The following LINGO2 variants were observed in gnomAD, a reference collection of about 807,000 sequenced individuals.
LINGO2 encodes leucine rich repeat and Ig domain containing 2.
LINGO2 carries 14 observed loss-of-function variants against 30.6 expected under a neutral mutation model. That is an observed-to-expected ratio of 0.46 (90% CI 0.30 to 0.72). The LOEUF (loss-of-function observed/expected upper bound fraction) is 0.72. Ranked by LOEUF, LINGO2 falls within the 30% of genes least tolerant of loss-of-function variation. The probability of loss-of-function intolerance (pLI) is 0.07; values close to 1 mark genes in which losing one functional copy is unlikely to be tolerated. For missense variants in LINGO2, 729 were observed against 751.7 expected (o/e 0.97, Z 0.35); for synonymous variants, 317 against 288.5 (o/e 1.10, Z -1.00).
the LINGO2 span, among the ~76,000 whole-genome samples, chr9:29,075,584 A>G: frequency 6.6e-6 from 1 of 152,102 alleles, no homozygotes; most frequent in Non-Finnish European, 1.5e-5. Context: ...CTTTATTTTT[A>G]TTGCTTTGAT....
chr9:28,108,250 T>C (rs191189985), intron 4 of LINGO2, among the ~76,000 whole-genome samples: 36 of 152,256 alleles, frequency 2.4e-4, no homozygotes, highest in African/African-American at 8.7e-4. Context: ...AAGTCGCAAT[T>C]AGGTTGTTTC....
At chr9:28,591,828 A>G (rs931434415) in intron 1 of LINGO2, among the ~76,000 whole-genome samples, 7 of 151,940 alleles carry the variant, frequency 4.6e-5, no homozygotes, top group Non-Finnish European at 1.0e-4. Flanking sequence ...CTCCAATACT[A>G]CTGTCTTGGA....
the LINGO2 span, among the ~76,000 whole-genome samples, chr9:28,945,305 T>C: frequency 2.6e-5 from 4 of 152,226 alleles, no homozygotes; most frequent in Non-Finnish European, 5.9e-5. Context: ...AAGGTATTGA[T>C]AAACAATAGT....
the LINGO2 span, among the ~76,000 whole-genome samples, chr9:28,744,105 TATA>T: frequency 1.1e-4 from 14 of 132,198 alleles, no homozygotes; most frequent in South Asian, 1.1e-3. Flanking sequence ...TATATATATA[TATA>T]TTTTTTTTCT....
intron 2 of LINGO2, among the ~76,000 whole-genome samples, chr9:28,408,633 G>C (rs1408199943): frequency 1.4e-5 from 2 of 145,652 alleles, no homozygotes; most frequent in Non-Finnish European, 3.0e-5. Flanking sequence ...GGTGGGGGGA[G>C]GGGGAGGGAT....
the LINGO2 span, among the ~76,000 whole-genome samples, chr9:28,852,776 C>T: frequency 1.3e-5 from 2 of 152,012 alleles, no homozygotes; most frequent in Non-Finnish European, 2.9e-5. Flanking sequence ...AAAAGTGATA[C>T]ATTTCAATAT....
intron 1 of LINGO2, among the ~76,000 whole-genome samples, chr9:28,660,464 G>T (rs1314396656): frequency 6.6e-6 from 1 of 152,134 alleles, no homozygotes; most frequent in Non-Finnish European, 1.5e-5. Flanking sequence ...ATTCAAAGCT[G>T]TGGCTGAGTG....
chr9:28,179,476 A>T (rs1460973982), intron 4 of LINGO2, among the ~76,000 whole-genome samples: 3 of 137,452 alleles, frequency 2.2e-5, no homozygotes, highest in African/African-American at 8.0e-5. Flanking sequence ...TATACTATAT[A>T]TAGTTTATAG....
chr9:29,064,376 C>A, the LINGO2 span, among the ~76,000 whole-genome samples: 1 of 151,852 alleles, frequency 6.6e-6, no homozygotes, highest in African/African-American at 2.4e-5. Flanking sequence ...TTTGTTATCT[C>A]CATACTTCAA....
chr9:28,687,279 T>C, the LINGO2 span, among the ~76,000 whole-genome samples: 1 of 152,242 alleles, frequency 6.6e-6, no homozygotes, highest in African/African-American at 2.4e-5. Context: ...TTCTTGAATA[T>C]AGTTATCCCA....
At chr9:28,561,613 T>G (rs1303717432) in intron 1 of LINGO2, among the ~76,000 whole-genome samples, 1 of 122,914 alleles carries the variant, frequency 8.1e-6, no homozygotes, top group Non-Finnish European at 1.7e-5. Flanking sequence ...GTATTATATA[T>G]GTATAATATA....
At position 28,395,091 on chromosome 9, in the gene LINGO2, T is replaced by A. The variant is rs545538614; in HGVS notation, c.-278-22223A>T. ...CTTGTTTTATTAAAACATGGAATCA[T>A]TGGCATAGGAAACAAAATTAACAGG... On this transcript the variant is annotated intron_variant, in intron 2 of 5. Transcript: ENST00000379992. 1.1e-4 allele frequency among the ~76,000 whole-genome samples: 17 copies of A among 152,334 alleles called. No homozygotes were observed. In the South Asian group the frequency reaches 3.3e-3, roughly 30 times the overall value.
the LINGO2 span, among the ~76,000 whole-genome samples, chr9:28,972,485 A>C: frequency 2.0e-5 from 3 of 152,168 alleles, no homozygotes; most frequent in African/African-American, 7.2e-5. Flanking sequence ...CCAAGCAAAA[A>C]TTCTGGAGCT....
At chr9:28,591,570 GT>G (rs1485585795) in intron 1 of LINGO2, among the ~76,000 whole-genome samples, 1 of 151,994 alleles carries the variant, frequency 6.6e-6, no homozygotes, top group Non-Finnish European at 1.5e-5. Context: ...AAGTAAAAGT[GT>G]TAGGCACCTT....
At chr9:29,110,460 G>C in the LINGO2 span, among the ~76,000 whole-genome samples, 1 of 151,856 alleles carries the variant, frequency 6.6e-6, no homozygotes, top group South Asian at 2.1e-4. Context: ...AGCCTCCCGA[G>C]TAGCTGGGAC....
the LINGO2 span, among the ~76,000 whole-genome samples, chr9:28,755,584 A>T: frequency 2.0e-5 from 3 of 152,060 alleles, no homozygotes; most frequent in East Asian, 5.8e-4. Context: ...TTCTCTGCCA[A>T]GACTAAGAGA....
chr9:28,443,416 G>A (rs905375638), intron 2 of LINGO2, among the ~76,000 whole-genome samples: 3 of 152,206 alleles, frequency 2.0e-5, no homozygotes, highest in Non-Finnish European at 4.4e-5. Flanking sequence ...CCCCTACTGA[G>A]TTGGTGGGGC....
chr9:27,981,752 A>G (rs1820889644), intron 5 of LINGO2, among the ~76,000 whole-genome samples: 1 of 151,614 alleles, frequency 6.6e-6, no homozygotes, highest in Non-Finnish European at 1.5e-5. Context: ...GACAGAGTTT[A>G]GCACATGTGA....
chr9:28,882,690 C>G, the LINGO2 span, among the ~76,000 whole-genome samples: 1 of 152,114 alleles, frequency 6.6e-6, no homozygotes, highest in African/African-American at 2.4e-5. Flanking sequence ...TGTCATTGTC[C>G]TACACCTCGT....
Sources: gnomAD v4.1 joint callset for allele counts (sites outside exome capture counted in the v4.1 genomes callset) on GRCh38, gnomAD v4.1.1 for gene constraint, MANE v1.5 for transcripts, NCBI Gene and HGNC (gene_info 2026-07-23, HGNC 2026-07-21) for gene names.